Variants in SYCP1 observed in about 807,000 individuals in gnomAD.
The protein encoded by SYCP1 is cancer/testis antigen 8.
Under a neutral mutation model 153.1 loss-of-function variants are expected in SYCP1, and 64 were observed. That is an observed-to-expected ratio of 0.42 (90% CI 0.34 to 0.51). The LOEUF (loss-of-function observed/expected upper bound fraction) is 0.51. Among genes scored for constraint, SYCP1 ranks in the 20% least tolerant of loss-of-function variants. The pLI is 0.06. For missense variants in SYCP1, 997 were observed against 1,049.0 expected (o/e 0.95, Z 0.68); for synonymous variants, 384 against 341.8 (o/e 1.12, Z -1.36).
chr1:114,858,502 T>A (rs753222479), intron 5 of SYCP1, 45 bp from the exon 6 acceptor site: 1 of 1,498,322 alleles, frequency 6.7e-7, no homozygotes, highest in Non-Finnish European at 9.0e-7. Context: ...AGTTTGGTTA[T>A]ATTAGAATTT....
chr1:114,955,993 A>G (rs959335428), intron 27 of SYCP1, among the ~76,000 whole-genome samples: 3 of 152,192 alleles, frequency 2.0e-5, no homozygotes, highest in African/African-American at 7.2e-5. Flanking sequence ...TGGTTTTGGC[A>G]GTGAACATAA....
chr1:114,864,984 G>C (rs1012131525), intron 8 of SYCP1, among the ~76,000 whole-genome samples: 3 of 151,960 alleles, frequency 2.0e-5, no homozygotes, highest in African/African-American at 7.3e-5. Flanking sequence ...TTTAGCATTA[G>C]GTATATCTCC....
At chr1:114,947,166 C>T in intron 26 of SYCP1, 80 bp from the exon 27 acceptor site, 1 of 1,010,396 alleles carries the variant, frequency 9.9e-7, no homozygotes, top group Non-Finnish European at 1.5e-6. Context: ...ATTAAATTTA[C>T]TCAGAGCACT....
intron 12 of SYCP1, among the ~76,000 whole-genome samples, chr1:114,884,671 G>A (rs1666178634): frequency 1.3e-5 from 2 of 152,174 alleles, no homozygotes; most frequent in South Asian, 2.1e-4. Flanking sequence ...ATTAGACACT[G>A]TGCTTAAGCA....
At chr1:114,897,686 A>G (rs1667163357) in intron 16 of SYCP1, among the ~76,000 whole-genome samples, 1 of 152,200 alleles carries the variant, frequency 6.6e-6, no homozygotes. Flanking sequence ...GTTTTTTTCC[A>G]AAGGAGTCCC....
chr1:114,965,046 T>A (rs1277293339), intron 27 of SYCP1, among the ~76,000 whole-genome samples: 6 of 152,210 alleles, frequency 3.9e-5, no homozygotes, highest in African/African-American at 1.2e-4. Context: ...CCTTGAGCAG[T>A]GGTTTGTCGT....
intron 28 of SYCP1, among the ~76,000 whole-genome samples, chr1:114,979,301 G>T (rs991338628): frequency 1.3e-5 from 2 of 151,696 alleles, no homozygotes; most frequent in African/African-American, 4.8e-5. Context: ...TTGTTATGAG[G>T]ATTAAATGAG....
chr1:114,869,308 T>C (rs1664961225), intron 8 of SYCP1, among the ~76,000 whole-genome samples: 1 of 152,234 alleles, frequency 6.6e-6, no homozygotes, highest in African/African-American at 2.4e-5. Context: ...TTTAGAAGTG[T>C]CTTGGTTATT....
chr1:114,910,919 T>C (rs1452870430), intron 17 of SYCP1, among the ~76,000 whole-genome samples: 2 of 152,268 alleles, frequency 1.3e-5, no homozygotes, highest in East Asian at 3.9e-4. Flanking sequence ...CACACCATCA[T>C]GCCTAGCCAA....
chr1:114,965,590 G>A (rs1291741270), intron 27 of SYCP1, among the ~76,000 whole-genome samples: 1 of 152,130 alleles, frequency 6.6e-6, no homozygotes, highest in African/African-American at 2.4e-5. Flanking sequence ...TTTATCGAAG[G>A]CCTTTTCTGC....
chr1:114,969,900 A>G (rs1169501130), intron 27 of SYCP1, among the ~76,000 whole-genome samples: 1 of 152,098 alleles, frequency 6.6e-6, no homozygotes, highest in Non-Finnish European at 1.5e-5. Flanking sequence ...TAGTAGATGG[A>G]GTTCCCCGGT....
chr1:114,942,702 T>C (rs933730529), intron 23 of SYCP1, among the ~76,000 whole-genome samples: 1 of 151,898 alleles, frequency 6.6e-6, no homozygotes, highest in Admixed American at 6.6e-5. Flanking sequence ...TAAATAAATG[T>C]GAAGGGCAGG....
At chr1:114,898,024 T>C (rs1187820071) in intron 16 of SYCP1, among the ~76,000 whole-genome samples, 3 of 152,220 alleles carry the variant, frequency 2.0e-5, no homozygotes, top group Non-Finnish European at 4.4e-5. Flanking sequence ...GATGTGAGCA[T>C]AGACTTTATC....
intron 23 of SYCP1, among the ~76,000 whole-genome samples, chr1:114,927,416 C>A (rs985275287): frequency 2.6e-5 from 4 of 152,036 alleles, no homozygotes; most frequent in African/African-American, 9.7e-5. Context: ...ACTGAAATAA[C>A]CCAGATGTTA....
intron 21 of SYCP1, among the ~76,000 whole-genome samples, chr1:114,925,705 T>C (rs887957388): frequency 6.6e-6 from 1 of 152,128 alleles, no homozygotes; most frequent in Non-Finnish European, 1.5e-5. Context: ...TAAATGTTTG[T>C]GAAAGCTATA....
chr1:114,957,641 CAAAAG>C (rs1189978998), intron 27 of SYCP1, among the ~76,000 whole-genome samples: 4 of 152,198 alleles, frequency 2.6e-5, no homozygotes, highest in Admixed American at 6.5e-5. Flanking sequence ...AAACATTTCT[CAAAAG>C]AAGACATACA....
rs985921107 is a variant in SYCP1 at position 114,981,657 on chromosome 1, G to A, written c.2559+145G>A. 2.3e-5 allele frequency: 17 copies of A among 737,330 alleles called. No individual in the cohort carries two copies. The African/African-American group carries it at 2.6e-4, about 11-fold the overall frequency. The allele number at this position is 737,330 out of a possible 1,614,324, so 45.7% of individuals were successfully genotyped here. ...TTTTTTTGTGGTATCAGCATGAAAT[G>A]TAAAGACAAGGTCTTGCTGTGTTGC... On this transcript the variant is annotated intron_variant, in intron 29 of 31. Coordinates refer to ENST00000369522, the MANE Select transcript of SYCP1 (RefSeq NM_003176.4).
intron 29 of SYCP1, among the ~76,000 whole-genome samples, chr1:114,983,683 C>T (rs1027128970): frequency 4.0e-5 from 6 of 151,734 alleles, no homozygotes; most frequent in African/African-American, 9.7e-5. Context: ...TAAGACACCA[C>T]GAAGTTTGGG....
chr1:114,870,673 T>G (rs1357624383), intron 8 of SYCP1, among the ~76,000 whole-genome samples: 2 of 152,216 alleles, frequency 1.3e-5, no homozygotes, highest in Non-Finnish European at 2.9e-5. Flanking sequence ...AATTTTCTTT[T>G]GATTAGTGTT....
Sources: gnomAD v4.1 joint callset for allele counts (sites outside exome capture counted in the v4.1 genomes callset) on GRCh38, gnomAD v4.1.1 for gene constraint, MANE v1.5 for transcripts, NCBI Gene and HGNC (gene_info 2026-07-23, HGNC 2026-07-21) for gene names.